The following PCDHA2 variants were observed in gnomAD, a reference collection of about 807,000 sequenced individuals.
The protein encoded by PCDHA2 is protocadherin alpha-2.
Under a neutral mutation model 66.0 loss-of-function variants are expected in PCDHA2, and 58 were observed. The observed-to-expected ratio is 0.88, with a 90% CI of 0.71 to 1.09. The LOEUF is 1.09. PCDHA2 is among the 50% of genes least tolerant of loss of function. The probability of loss-of-function intolerance (pLI) is 0.00; values close to 1 mark genes in which losing one functional copy is unlikely to be tolerated. For synonymous variants in PCDHA2, 634 were observed against 554.0 expected (o/e 1.14, Z -2.03); for missense variants, 1,267 against 1,242.3 (o/e 1.02, Z -0.30).
At chr5:140,869,126 G>A in intron 1 of PCDHA2, 4 of 1,611,734 alleles carry the variant, frequency 2.5e-6, no homozygotes, top group Non-Finnish European at 3.4e-6. Context: ...CAGAGAAGGG[G>A]ATTGGGCACC....
intron 1 of PCDHA2, chr5:140,830,319 G>A: frequency 6.2e-7 from 1 of 1,614,036 alleles, no homozygotes; most frequent in Non-Finnish European, 8.5e-7. Context: ...GTGTGCTCCA[G>A]CGCAGTGGGG....
Position 140,805,425 on chromosome 5 carries a change from T to C in PCDHA2, c.2388+8073T>C, listed in dbSNP as rs1036330822. On this transcript the variant is annotated intron_variant, in intron 1 of 3. Coordinates refer to ENST00000526136, the MANE Select transcript of PCDHA2 (RefSeq NM_018905.3). ...CAGAAATTTGGTGGGTTTTTTGTTG[T>C]TGTTTTGGTTTTTGTGTGTGTGTGT... is the stretch of plus-strand genomic sequence containing the variant. 4 of 1,058,842 alleles carry C rather than the reference T, an allele frequency of 3.8e-6. No individual in the cohort carries two copies. In the Admixed American group the frequency reaches 1.7e-4, roughly 44 times the overall value. The allele number at this position is 1,058,842 out of a possible 1,614,324, so 65.6% of individuals were successfully genotyped here.
At position 140,885,285 on chromosome 5, in the gene PCDHA2, T is replaced by G. The variant is rs146462007; in HGVS notation, c.2388+87933T>G. On this transcript the variant is annotated intron_variant, in intron 1 of 3. Transcript: ENST00000526136. ...ACTCATACATATATATATACATATA[T>G]AGAGAGAGACCTGGTAGGCTTTTTG... 7.5e-4 allele frequency among the ~76,000 whole-genome samples: 114 copies of G among 152,298 alleles called. No individual in the cohort carries two copies. In the East Asian group the frequency reaches 9.8e-3, roughly 13 times the overall value.
chr5:140,908,276 A>T (rs1554193275), intron 1 of PCDHA2, among the ~76,000 whole-genome samples: 1 of 152,148 alleles, frequency 6.6e-6, no homozygotes, highest in Non-Finnish European at 1.5e-5. Context: ...CCATGAGGCC[A>T]TTGTTGCAAG....
intron 1 of PCDHA2, chr5:140,876,671 C>T (rs782473628): frequency 3.1e-6 from 5 of 1,614,212 alleles, no homozygotes; most frequent in Non-Finnish European, 2.5e-6. Flanking sequence ...CTGGTGTCCA[C>T]CTACAAGAAT....
At chr5:140,872,270 T>G (rs1246364406) in intron 1 of PCDHA2, among the ~76,000 whole-genome samples, 1 of 152,172 alleles carries the variant, frequency 6.6e-6, no homozygotes, top group African/African-American at 2.4e-5. Context: ...TCATATTGTT[T>G]GAAGAAAAAA....
chr5:140,891,123 T>G (rs2153433075), intron 1 of PCDHA2, among the ~76,000 whole-genome samples: 1 of 152,342 alleles, frequency 6.6e-6, no homozygotes, highest in East Asian at 1.9e-4. Context: ...AATCTAAATG[T>G]CATTCCTTTA....
intron 1 of PCDHA2, chr5:140,850,559 C>T (rs2150489407): frequency 1.9e-6 from 3 of 1,598,268 alleles, no homozygotes; most frequent in Non-Finnish European, 2.6e-6. Context: ...GTGCCACGGG[C>T]CCCGAGGTGA....
At chr5:140,916,472 G>A (rs2077581791) in intron 1 of PCDHA2, among the ~76,000 whole-genome samples, 1 of 152,192 alleles carries the variant, frequency 6.6e-6, no homozygotes, top group Non-Finnish European at 1.5e-5. Context: ...TGGTTATTTG[G>A]TGCCCAAGGG....
intron 1 of PCDHA2, among the ~76,000 whole-genome samples, chr5:140,964,575 G>A (rs2153740589): frequency 6.6e-6 from 1 of 152,212 alleles, no homozygotes; most frequent in East Asian, 1.9e-4. Flanking sequence ...GGAGATAAGG[G>A]GAGGAAAGAT....
intron 1 of PCDHA2, chr5:140,808,029 T>C (rs894226216): frequency 6.2e-7 from 1 of 1,614,028 alleles, no homozygotes; most frequent in Non-Finnish European, 8.5e-7. Context: ...GTTTATTCAT[T>C]CTCAAATGAT....
chr5:140,815,026 A>T (rs1765636831), intron 1 of PCDHA2: 2 of 152,244 alleles, frequency 1.3e-5, no homozygotes, highest in Admixed American at 6.5e-5. Flanking sequence ...TTTTGGTTAC[A>T]ATTTGCATGA....
intron 1 of PCDHA2, among the ~76,000 whole-genome samples, chr5:140,833,310 T>C (rs1772401616): frequency 6.6e-6 from 1 of 152,138 alleles, no homozygotes; most frequent in Non-Finnish European, 1.5e-5. Context: ...CATAATTATT[T>C]TACATGCCAT....
At chr5:140,950,882 G>C (rs1182849126) in intron 1 of PCDHA2, among the ~76,000 whole-genome samples, 1 of 151,764 alleles carries the variant, frequency 6.6e-6, no homozygotes, top group Non-Finnish European at 1.5e-5. Flanking sequence ...TTGTTCAATA[G>C]GTCTCTGAGA....
chr5:140,856,648 T>G (rs2044130273), intron 1 of PCDHA2: 1 of 1,598,174 alleles, frequency 6.3e-7, no homozygotes, highest in African/African-American at 1.3e-5. Flanking sequence ...AGCTGCTGGA[T>G]CGTGAAGAAA....
intron 1 of PCDHA2, chr5:140,858,468 G>A: frequency 6.6e-7 from 1 of 1,521,202 alleles, no homozygotes; most frequent in East Asian, 2.4e-5. Context: ...TTCCTTTTGT[G>A]CTTTATGAAT....
intron 1 of PCDHA2, among the ~76,000 whole-genome samples, chr5:140,898,461 G>T (rs1393934497): frequency 4.6e-5 from 7 of 152,102 alleles, no homozygotes; most frequent in Non-Finnish European, 8.8e-5. Flanking sequence ...TTTCCCCATT[G>T]CTTGTTTTTC....
chr5:140,795,450 A>G lies in PCDHA2; in HGVS notation c.486A>G (p.Ile162Met), dbSNP rs782265276. ...FPLEGASDAD[I>M]GVNALLSYKL... is the part of the protein sequence containing the mutation. ...TAGAGGGAGCATCTGATGCAGATATAGGAGTAAATGCTCTTCTCTCCTACA... is the reference window on the plus strand; with the variant it reads ...TAGAGGGAGCATCTGATGCAGATATGGGAGTAAATGCTCTTCTCTCCTACA... Residue 162 changes from isoleucine to methionine, a missense_variant, in exon 1 of 4, where the codon ATA (isoleucine) becomes ATG (methionine). Ile to Met is a conservative substitution (Grantham distance 10, BLOSUM62 1). Transcript: ENST00000526136. 1.9e-6 allele frequency: 3 copies of G among 1,614,190 alleles called. No homozygotes were observed. Among genetic ancestry groups the G allele is most frequent in the African/African-American group, 1.3e-5 (1 of 75,052 alleles).
chr5:140,819,243 A>C (rs1186721766), intron 1 of PCDHA2, among the ~76,000 whole-genome samples: 1 of 152,162 alleles, frequency 6.6e-6, no homozygotes, highest in African/African-American at 2.4e-5. Flanking sequence ...TCTTCTCTGC[A>C]ATCTGGTATA....
Sources: allele counts gnomAD v4.1 joint callset (sites outside exome capture counted in the v4.1 genomes callset), GRCh38; gene constraint gnomAD v4.1.1; transcripts MANE v1.5; gene names NCBI Gene and HGNC (gene_info 2026-07-23, HGNC 2026-07-21).